The following LMBR1L variants were observed in gnomAD, a reference collection of about 807,000 sequenced individuals.
LMBR1L encodes protein LMBR1L.
Under a neutral mutation model 67.3 loss-of-function variants are expected in LMBR1L, and 47 were observed. The ratio of observed to expected loss-of-function variants is 0.70; its 90% CI spans 0.55 to 0.89. The LOEUF is 0.89. Among genes scored for constraint, LMBR1L ranks in the 40% least tolerant of loss-of-function variants. The pLI, the probability that LMBR1L is intolerant of heterozygous loss-of-function variation, is 0.00. For synonymous variants in LMBR1L, 247 were observed against 250.3 expected, an observed-to-expected ratio of 0.99 and a Z score of 0.13; for missense variants, 533 against 599.2, an observed-to-expected ratio of 0.89 and a Z score of 1.15.
At chr12:49,100,344 C>T (rs751825398) in intron 15 of LMBR1L, 44 bp downstream of exon 15, 1 of 1,495,090 alleles carries the variant, frequency 6.7e-7, no homozygotes. Context: ...TCAGTAAGTA[C>T]TCAAAAAAAT....
chr12:49,101,059 T>C, intron 13 of LMBR1L, 191 bp downstream of exon 13: 1 of 1,277,416 alleles, frequency 7.8e-7, no homozygotes, highest in Non-Finnish European at 1.0e-6. Context: ...CAGATTCTAC[T>C]GAACCACCAG....
Position 49,102,147 on chromosome 12 carries a change from CA to C in LMBR1L, c.902del (p.Leu301ArgfsTer9), listed in dbSNP as rs1484995134. On this transcript the variant is annotated frameshift_variant, in exon 11 of 17. Coordinates refer to ENST00000267102, the MANE Select transcript of LMBR1L (RefSeq NM_018113.4). LOFTEE classifies it high-confidence loss of function. Reference protein sequence around the residue: ...SAWQRNLGYPLAMLCLLVLTG... With the variant: ...SAWQRNLGYPXAMLCLLVLTG... ...TCAGCACCAGCAAGCACAGCATAGC[CA>C]GGGGGTAGCCCAGGTTCCGTTGCCA... 1.2e-6 allele frequency: 2 copies of C among 1,614,188 alleles called. No individual in the cohort carries two copies. The highest frequency in any genetic ancestry group is 1.7e-6 in the Non-Finnish European group (2 of 1,180,042).
chr12:49,102,411 C>T (rs748863768), intron 9 of LMBR1L, 35 bp from the exon 10 acceptor site: 1 of 1,613,688 alleles, frequency 6.2e-7, no homozygotes, highest in East Asian at 2.2e-5. Flanking sequence ...CTCTCAAGTC[C>T]TGCAGTTTCT....
chr12:49,100,009 G>C (rs1939927804), intron 15 of LMBR1L, among the ~76,000 whole-genome samples: 1 of 152,260 alleles, frequency 6.6e-6, no homozygotes, highest in Non-Finnish European at 1.5e-5. Flanking sequence ...AAGGGTCCTA[G>C]ACTGACTTGA....
chr12:49,100,532 C>A (rs1565584791), intron 14 of LMBR1L, 24 bp downstream of exon 14: 1 of 1,610,730 alleles, frequency 6.2e-7, no homozygotes, highest in African/African-American at 1.3e-5. Context: ...CCCCCGGGAG[C>A]TTCCCTTACT....
intron 15 of LMBR1L, among the ~76,000 whole-genome samples, chr12:49,098,993 T>G (rs1158923085): frequency 6.6e-6 from 1 of 151,872 alleles, no homozygotes; most frequent in Non-Finnish European, 1.5e-5. Context: ...TTTTTTTTTT[T>G]TGGTAGAGAT....
In LMBR1L at chr12:49,101,796, C is replaced by T. The variant is rs74815136; in HGVS notation, c.931-247G>A. The stretch of plus-strand genomic sequence containing the variant: ...ATAGGAAAAGGCATCTCTCTTCCTT[C>T]AACTGATGAGATCTATAACTGAGTC... On this transcript the variant is annotated intron_variant, in intron 11 of 16. Coordinates refer to ENST00000267102, the MANE Select transcript of LMBR1L (RefSeq NM_018113.4). 461 of 581,102 alleles carry T rather than the reference C, an allele frequency of 7.9e-4. 1 individual carries two copies. The highest frequency in any genetic ancestry group is 7.5e-3 in the African/African-American group (404 of 53,726). The allele number at this position is 581,102 out of a possible 1,614,324, so 36.0% of individuals were successfully genotyped here.
intron 13 of LMBR1L, 83 bp from the exon 14 acceptor site, chr12:49,100,729 C>CT: frequency 6.7e-6 from 7 of 1,043,478 alleles, no homozygotes; most frequent in Middle Eastern, 2.7e-4. Context: ...TCCCAGCCCA[C>CT]TTCTTTTTTT....
chr12:49,098,144 G>A, intron 15 of LMBR1L, 39 bp from the exon 16 acceptor site: 1 of 1,582,084 alleles, frequency 6.3e-7, no homozygotes, highest in South Asian at 1.1e-5. Context: ...GGGCTCCCCA[G>A]GCCCTTTTCT....
chr12:49,097,962 C>T lies in LMBR1L; in HGVS notation c.1384G>A (p.Glu462Lys). 1 of 1,613,572 alleles carries T rather than the reference C, an allele frequency of 6.2e-7. No homozygotes were observed. The highest frequency in any genetic ancestry group is 8.5e-7 in the Non-Finnish European group (1 of 1,179,516). The change falls in exon 16 of 17, where the codon GAG becomes AAG. Residue 462 changes from glutamate (E) to lysine (K), a missense_variant. By Grantham distance (56) the Glu-to-Lys change is moderately conservative. This residue lies in a region of LMBR1L where 223 missense variants were observed against 241.2 expected (regional missense o/e 0.92). Coordinates refer to ENST00000267102, the MANE Select transcript of LMBR1L (RefSeq NM_018113.4). ...CTCTCACCAAAGGCCCGGATCAGCT[C>T]TGCCCGCACAGCTGCAGTGAAGGTC... is the stretch of plus-strand genomic sequence containing the variant. ...VKTFTAAVRA[E>K]LIRAFGLDRL...
chr12:49,103,926 G>C (rs1940555838), intron 5 of LMBR1L, 113 bp from the exon 6 acceptor site: 2 of 1,200,448 alleles, frequency 1.7e-6, no homozygotes, highest in Non-Finnish European at 2.3e-6. Flanking sequence ...AGGTAAGAGA[G>C]AGGGTTTTCC....
intron 1 of LMBR1L, chr12:49,109,735 TGAG>T (rs1437330093): frequency 2.2e-6 from 1 of 456,542 alleles, no homozygotes; most frequent in Non-Finnish European, 4.4e-6. Flanking sequence ...ACCCCAGAAT[TGAG>T]TAGTCCACTT....
At position 49,103,687 on chromosome 12, in the gene LMBR1L, C is replaced by A; in HGVS notation, c.562G>T (p.Asp188Tyr). Reference protein sequence around the residue: ...KNKANRESLYDFWEYYLPYLY... With the variant: ...KNKANRESLYYFWEYYLPYLY... Reference sequence around the variant, plus strand: ...GCCTGGAGGAAGCTGGGCCGCTCACCATAGAGTGACTCTCTGTTGGCCTTG... The same window carrying A: ...GCCTGGAGGAAGCTGGGCCGCTCACAATAGAGTGACTCTCTGTTGGCCTTG... The change falls in exon 6 of 17, where the codon GAC (aspartate) becomes TAC (tyrosine). Residue 188 changes from aspartate (D) to tyrosine (Y), a missense_variant and splice_region_variant. Asp to Tyr is a radical substitution (Grantham distance 160). Around this residue, in one of 3 missense-constraint regions of LMBR1L, gnomAD observed 246 missense variants for 249.0 expected, o/e 0.99. Transcript: ENST00000267102. The A allele has an allele frequency of 6.2e-7, 1 of 1,613,132 alleles. No individual in the cohort carries two copies. The highest frequency in any genetic ancestry group is 1.1e-5 in the South Asian group (1 of 90,936).
At position 49,107,032 on chromosome 12, in the gene LMBR1L, A is replaced by G. The variant is rs768490884; in HGVS notation, c.86T>C (p.Leu29Pro). ...GCAGAGGATGTACAGTGTTGCAAAC[A>G]GAAGTGTTGATATCTGTAGCAGAAT... ...RIRECIISTLLFATLYILCHI... is the reference protein window; with the variant it reads ...RIRECIISTLPFATLYILCHI... The change falls in exon 2 of 17, where the codon CTG becomes CCG. Residue 29 changes from leucine to proline, a missense_variant. This residue lies in a region of LMBR1L where 246 missense variants were observed against 249.0 expected (regional missense o/e 0.99). Transcript: ENST00000267102. The G allele has an allele frequency of 6.2e-7, 1 of 1,612,732 alleles. No individual in the cohort carries two copies.
Position 49,101,236 on chromosome 12 carries a change from T to C in LMBR1L, c.1082+14A>G, listed in dbSNP as rs1479112052. 3.1e-6 allele frequency: 5 copies of C among 1,614,104 alleles called. No homozygotes were observed. The highest frequency in any genetic ancestry group is 3.4e-6 in the Non-Finnish European group (4 of 1,179,988). On this transcript the variant is annotated intron_variant, in intron 13 of 16. Coordinates refer to ENST00000267102, the MANE Select transcript of LMBR1L (RefSeq NM_018113.4). The stretch of plus-strand genomic sequence containing the variant: ...TTGCTGAACAGAGGCAATGATGGGT[T>C]TCCAGAAGGATACAAGATGAGTACA...
chr12:49,106,658 G>C, intron 2 of LMBR1L: 1 of 1,330,254 alleles, frequency 7.5e-7, no homozygotes, highest in Non-Finnish European at 1.0e-6. Context: ...GCTCACTTCA[G>C]GTTCACAAAG....
At chr12:49,106,038 C>T (rs1940862560) in intron 2 of LMBR1L, 81 bp from the exon 3 acceptor site, 4 of 1,184,196 alleles carry the variant, frequency 3.4e-6, no homozygotes, top group East Asian at 2.4e-5. Flanking sequence ...CAATGTGCTC[C>T]CTGCCCCATC....
rs752952152 is a variant in LMBR1L at position 49,098,002 on chromosome 12, T to C, written c.1344A>G (p.Thr448=). 1 of 1,613,836 alleles carries C rather than the reference T, an allele frequency of 6.2e-7. No individual in the cohort carries two copies. The highest frequency in any genetic ancestry group is 1.3e-5 in the African/African-American group (1 of 74,848). The change falls in exon 16 of 17, where the codon ACA becomes ACG. Residue 448 remains threonine (T), a synonymous_variant. Transcript: ENST00000267102. ...CAGTGAAGGTCTTCACCAGACAGAGTGTGGTGAGGCCTGCAAAGGCTGCGT... is the reference window on the plus strand; with the variant it reads ...CAGTGAAGGTCTTCACCAGACAGAGCGTGGTGAGGCCTGCAAAGGCTGCGT... ...LYNAAFAGLT[T]LCLVKTFTAA... is the part of the protein sequence containing the mutation.
chr12:49,110,224 A>AGG, intron 1 of LMBR1L: 2 of 221,180 alleles, frequency 9.0e-6, no homozygotes, highest in Non-Finnish European at 7.1e-6. Flanking sequence ...GCGCTGGGTG[A>AGG]GGGGTGGGAG....
Sources: gnomAD v4.1 joint callset for allele counts (sites outside exome capture counted in the v4.1 genomes callset) on GRCh38, gnomAD v4.1.1 for gene constraint, gnomAD v4.1.1 regional missense constraint, MANE v1.5 for transcripts, NCBI Gene and HGNC (gene_info 2026-07-23, HGNC 2026-07-21) for gene names.